PBRM1: variants seen among roughly 807,000 people sequenced by gnomAD.
The protein encoded by PBRM1 is protein polybromo-1.
In PBRM1, 27 loss-of-function variants were observed where a neutral mutation model predicts 194.5. That is an observed-to-expected ratio of 0.14 (90% CI 0.10 to 0.19). The LOEUF (loss-of-function observed/expected upper bound fraction) is 0.19, where lower values mean the gene tolerates loss of function less well. Ranked by LOEUF, PBRM1 falls within the 10% of genes least tolerant of loss-of-function variation. PBRM1 has a pLI of 1.00. For missense variants in PBRM1, 1,466 were observed against 2,077.2 expected, an observed-to-expected ratio of 0.71 and a Z score of 5.72; for synonymous variants, 655 against 693.2, an observed-to-expected ratio of 0.94 and a Z score of 0.87.
At chr3:52,620,443 C>T (rs2095221697) in intron 13 of PBRM1, among the ~76,000 whole-genome samples, 1 of 152,158 alleles carries the variant, frequency 6.6e-6, no homozygotes, top group Non-Finnish European at 1.5e-5. Flanking sequence ...TCAGTCAAGG[C>T]CCTGACCTGG....
chr3:52,549,319 C>T (rs559227188), intron 29 of PBRM1, among the ~76,000 whole-genome samples: 107 of 152,056 alleles, frequency 7.0e-4, no homozygotes, highest in African/African-American at 2.3e-3. Flanking sequence ...CGCTCCTGGC[C>T]CTCATCTGGC....
intron 9 of PBRM1, among the ~76,000 whole-genome samples, chr3:52,642,918 C>A (rs1408853350): frequency 6.6e-6 from 1 of 151,842 alleles, no homozygotes; most frequent in Non-Finnish European, 1.5e-5. Context: ...TCCCAAGTAG[C>A]TGGGATTACA....
intron 10 of PBRM1, among the ~76,000 whole-genome samples, chr3:52,638,593 G>C (rs916317693): frequency 1.6e-5 from 2 of 122,106 alleles, no homozygotes; most frequent in Non-Finnish European, 3.5e-5. Flanking sequence ...TCCTGACCTC[G>C]TATTCTCTCT....
chr3:52,578,231 G>A (rs1323908246), intron 21 of PBRM1, among the ~76,000 whole-genome samples: 3 of 151,884 alleles, frequency 2.0e-5, no homozygotes, highest in African/African-American at 4.8e-5. Flanking sequence ...TTTTTTCTAC[G>A]GCACGTATCA....
chr3:52,665,344 T>G (rs1036072658), intron 3 of PBRM1, among the ~76,000 whole-genome samples: 3 of 146,036 alleles, frequency 2.1e-5, no homozygotes, highest in Non-Finnish European at 4.6e-5. Context: ...TTTTTTTTTT[T>G]GTAGAGGTGG....
chr3:52,682,064 T>G (rs1240301175), upstream of PBRM1: 2 of 152,644 alleles, frequency 1.3e-5, no homozygotes, highest in Non-Finnish European at 1.5e-5. Flanking sequence ...TGTTTAAAGA[T>G]GTCTCATTGA....
At chr3:52,560,372 C>A (rs2083228691) in intron 25 of PBRM1, among the ~76,000 whole-genome samples, 1 of 152,166 alleles carries the variant, frequency 6.6e-6, no homozygotes, top group Non-Finnish European at 1.5e-5. Context: ...TCAATAAGGT[C>A]AGAAATATCA....
intron 29 of PBRM1, among the ~76,000 whole-genome samples, chr3:52,549,883 C>T (rs570147262): frequency 3.4e-5 from 5 of 149,150 alleles, no homozygotes; most frequent in South Asian, 2.1e-4. Flanking sequence ...CCAGCCTGGG[C>T]GACAGAGTGA....
intron 5 of PBRM1, among the ~76,000 whole-genome samples, chr3:52,657,340 A>G (rs1448707370): frequency 1.3e-5 from 2 of 152,188 alleles, no homozygotes; most frequent in African/African-American, 4.8e-5. Context: ...AAAAATAATT[A>G]CCAATCAAAA....
chr3:52,653,448 G>C (rs1288676956), intron 5 of PBRM1, among the ~76,000 whole-genome samples: 1 of 151,994 alleles, frequency 6.6e-6, no homozygotes, highest in African/African-American at 2.4e-5. Flanking sequence ...AATTAGCCTG[G>C]TATGTTGGTG....
chr3:52,587,242 A>T, intron 19 of PBRM1, 111 bp downstream of exon 21: 1 of 857,512 alleles, frequency 1.2e-6, no homozygotes, highest in Middle Eastern at 3.5e-4. Flanking sequence ...CACGGCTTAA[A>T]AAATAGCTTA....
intron 17 of PBRM1, among the ~76,000 whole-genome samples, chr3:52,600,128 T>C (rs754695746): frequency 1.2e-4 from 19 of 152,340 alleles, no homozygotes; most frequent in Middle Eastern, 3.4e-3. Context: ...GGGGTAACCA[T>C]CCTTTCTATG....
chr3:52,613,198 T>C (rs2094743026), intron 15 of PBRM1, among the ~76,000 whole-genome samples: 2 of 152,120 alleles, frequency 1.3e-5, no homozygotes, highest in Admixed American at 1.3e-4. Context: ...CTGAACTATG[T>C]GGAAGTGAAA....
chr3:52,683,980 G>A (rs1379559104), upstream of PBRM1, among the ~76,000 whole-genome samples: 1 of 151,954 alleles, frequency 6.6e-6, no homozygotes, highest in Non-Finnish European at 1.5e-5. Flanking sequence ...AGACCAGACT[G>A]GATAACATAG....
intron 3 of PBRM1, 99 bp downstream of exon 4, chr3:52,668,399 G>C (rs1046124105): frequency 5.6e-5 from 44 of 778,964 alleles, no homozygotes; most frequent in Non-Finnish European, 7.9e-5. Flanking sequence ...GCCACAAAAA[G>C]AAACTACTAC....
upstream of PBRM1, among the ~76,000 whole-genome samples, chr3:52,683,811 G>GAC (rs2097256614): frequency 2.1e-5 from 1 of 47,336 alleles, no homozygotes; most frequent in African/African-American, 1.0e-4. Context: ...GAGTAAGACT[G>GAC]TCTCCAAAAA....
In PBRM1 at chr3:52,548,243, TTAAAG is replaced by T; in HGVS notation, c.4898-13_4898-9del. 1.3e-6 allele frequency: 2 copies of T among 1,570,616 alleles called. No homozygotes were observed. The highest frequency in any genetic ancestry group is 1.7e-6 in the Non-Finnish European group (2 of 1,164,378). On this transcript the variant is annotated splice_polypyrimidine_tract_variant and intron_variant, in intron 29 of 29. Coordinates refer to ENST00000296302, the Ensembl canonical transcript of PBRM1. ...GGACGTCGCGTCTTCGAGCTGAAAATTAAAGTACAGAGAGACAGAAATTAGAATTT... is the reference window on the plus strand; with the variant it reads ...GGACGTCGCGTCTTCGAGCTGAAAATTACAGAGAGACAGAAATTAGAATTT...
At chr3:52,641,230 T>C (rs1332063998) in intron 10 of PBRM1, among the ~76,000 whole-genome samples, 1 of 151,468 alleles carries the variant, frequency 6.6e-6, no homozygotes, top group Non-Finnish European at 1.5e-5. Context: ...AGGTGGATCA[T>C]GAGGACAGAA....
At chr3:52,570,488 T>C (rs1012731150) in intron 22 of PBRM1, among the ~76,000 whole-genome samples, 12 of 152,184 alleles carry the variant, frequency 7.9e-5, no homozygotes, top group African/African-American at 2.4e-4. Context: ...CCATATTTTA[T>C]AGAAGGAAAA....
Sources: gnomAD v4.1 joint callset for allele counts (sites outside exome capture counted in the v4.1 genomes callset) on GRCh38, gnomAD v4.1.1 for gene constraint, MANE v1.5 for transcripts, NCBI Gene and HGNC (gene_info 2026-07-23, HGNC 2026-07-21) for gene names.